Variants in LY75 observed in about 807,000 individuals in gnomAD.
LY75 encodes lymphocyte antigen 75.
LY75 carries 185 observed loss-of-function variants against 231.7 expected under a neutral mutation model. That is an observed-to-expected ratio of 0.80 (90% confidence interval 0.71 to 0.90). The LOEUF is 0.90. Ranked by LOEUF, LY75 falls within the 40% of genes least tolerant of loss-of-function variation. The pLI is 0.00. For missense variants in LY75, 1,947 were observed against 2,050.2 expected, an observed-to-expected ratio of 0.95 and a Z score of 0.97; for synonymous variants, 668 against 689.0, an observed-to-expected ratio of 0.97 and a Z score of 0.48.
intron 24 of LY75, among the ~76,000 whole-genome samples, chr2:159,842,024 T>C (rs925768191): frequency 2.0e-5 from 3 of 152,076 alleles, no homozygotes; most frequent in Admixed American, 6.6e-5. Flanking sequence ...TAAATTCTTT[T>C]ATAGTATTAA....
chr2:159,899,207 G>T, intron 1 of LY75, 148 bp from the exon 2 acceptor site: 1 of 1,429,368 alleles, frequency 7.0e-7, no homozygotes, highest in Non-Finnish European at 9.3e-7. Context: ...CAAAAGGTGG[G>T]ACAGTGGTGA....
intron 1 of LY75, among the ~76,000 whole-genome samples, chr2:159,900,305 T>G (rs1311655499): frequency 6.6e-6 from 1 of 152,258 alleles, no homozygotes; most frequent in East Asian, 1.9e-4. Flanking sequence ...GTTTGTGGAA[T>G]AAGATTCACA....
chr2:159,901,185 T>C (rs1156252856), intron 1 of LY75, among the ~76,000 whole-genome samples: 1 of 152,086 alleles, frequency 6.6e-6, no homozygotes, highest in East Asian at 1.9e-4. Flanking sequence ...CATTTTCTAC[T>C]TGATGGACAC....
Position 159,850,426 on chromosome 2 carries a change from T to G in LY75, c.2925A>C (p.Gln975His). The change falls in exon 22 of 35, where the codon CAA (glutamine) becomes CAC (histidine). Residue 975 changes from glutamine to histidine, a missense_variant. By Grantham distance (24) the Gln-to-His change is conservative. Coordinates refer to ENST00000263636, the MANE Select transcript of LY75 (RefSeq NM_002349.4). ...KIKPVSLTFS[Q>H]ASDTCHSYGG... ...CATAGGAGTGACAGGTATCGCTTGC[T>G]TGAGAAAATGTGAGAGACACGGGTT... The G allele has an allele frequency of 6.2e-7, 1 of 1,613,648 alleles. No individual in the cohort carries two copies. The highest frequency in any genetic ancestry group is 8.5e-7 in the Non-Finnish European group (1 of 1,179,710).
At position 159,838,207 on chromosome 2, in the gene LY75, A is replaced by G. The variant is rs962937815; in HGVS notation, c.3507+2522T>C. The stretch of plus-strand genomic sequence containing the variant: ...CCACTACTCTGTTTAAAATCTTTCA[A>G]TATCTTCTCATTGCTTTCAATGTAA... On this transcript the variant is annotated intron_variant, in intron 25 of 34. Coordinates refer to ENST00000263636, the MANE Select transcript of LY75 (RefSeq NM_002349.4). 8.5e-5 allele frequency among the ~76,000 whole-genome samples: 13 copies of G among 152,204 alleles called. 1 individual carries two copies. The highest frequency in any genetic ancestry group is 7.2e-4 in the Admixed American group (11 of 15,274).
intron 28 of LY75, among the ~76,000 whole-genome samples, chr2:159,825,909 C>A (rs1386874366): frequency 6.6e-6 from 1 of 152,052 alleles, no homozygotes; most frequent in African/African-American, 2.4e-5. Context: ...AATTCAACAC[C>A]CCTTCATGCT....
intron 25 of LY75, among the ~76,000 whole-genome samples, chr2:159,838,616 T>A (rs1164163712): frequency 6.6e-6 from 1 of 152,190 alleles, no homozygotes; most frequent in Non-Finnish European, 1.5e-5. Context: ...TGACTGAAAC[T>A]AGGAAATGTA....
intron 13 of LY75, among the ~76,000 whole-genome samples, chr2:159,871,469 A>G (rs1022021730): frequency 7.2e-5 from 11 of 152,040 alleles, no homozygotes; most frequent in Admixed American, 7.2e-4. Context: ...AAATTAAAAA[A>G]TTTAAAAAAT....
At chr2:159,870,204 C>A (rs1413751502) in intron 13 of LY75, among the ~76,000 whole-genome samples, 1 of 152,142 alleles carries the variant, frequency 6.6e-6, no homozygotes, top group East Asian at 1.9e-4. Context: ...GTGATCCCAG[C>A]ACCTTGGGAG....
At chr2:159,868,482 C>T (rs1684918086) in intron 13 of LY75, among the ~76,000 whole-genome samples, 1 of 152,110 alleles carries the variant, frequency 6.6e-6, no homozygotes, top group Admixed American at 6.6e-5. Context: ...TGATTGTTTG[C>T]TTCATTACTC....
chr2:159,895,279 T>C (rs1283819460), intron 2 of LY75, among the ~76,000 whole-genome samples: 6 of 152,242 alleles, frequency 3.9e-5, no homozygotes, highest in Admixed American at 6.5e-5. Flanking sequence ...TGCTGTGTCA[T>C]AGAAACAGTT....
At position 159,840,822 on chromosome 2, in the gene LY75, C is replaced by T. The variant is rs752513890; in HGVS notation, c.3414G>A (p.Leu1138=). The change falls in exon 25 of 35, where the codon CTG becomes CTA. Residue 1138 remains leucine, a synonymous_variant. Coordinates refer to ENST00000263636, the MANE Select transcript of LY75 (RefSeq NM_002349.4). The part of the protein sequence containing the change: ...KRECLKSNMQ[L]VSITDPYQQA... ...GCTGGTAAGGGTCCGTGATGCTCAC[C>T]AGCTGCATGTTACTTTTCAGACACT... 2 of 1,614,110 alleles carry T rather than the reference C, an allele frequency of 1.2e-6. No individual in the cohort carries two copies. The highest frequency in any genetic ancestry group is 2.2e-5 in the South Asian group (2 of 91,080).
intron 18 of LY75, among the ~76,000 whole-genome samples, chr2:159,854,075 TA>T (rs1684478878): frequency 6.6e-6 from 1 of 152,186 alleles, no homozygotes; most frequent in Admixed American, 6.5e-5. Context: ...AAGTTAACTA[TA>T]AAGTTGACTT....
intron 28 of LY75, among the ~76,000 whole-genome samples, chr2:159,828,326 A>G (rs1683542613): frequency 1.3e-5 from 2 of 152,002 alleles, no homozygotes; most frequent in African/African-American, 4.8e-5. Flanking sequence ...AAAAGACTCA[A>G]TTTAAAACAT....
chr2:159,823,632 CA>C (rs1034033321), intron 28 of LY75, among the ~76,000 whole-genome samples: 47 of 152,004 alleles, frequency 3.1e-4, no homozygotes, highest in Non-Finnish European at 3.4e-4. Flanking sequence ...GGAGCAACCC[CA>C]AAACACATAA....
chr2:159,850,285 G>T, intron 22 of LY75, 77 bp downstream of exon 22: 2 of 1,555,938 alleles, frequency 1.3e-6, no homozygotes, highest in Non-Finnish European at 1.7e-6. Context: ...ATTTTTGTAT[G>T]TTAATTCCCC....
At chr2:159,816,235 T>C (rs1683116951) in intron 30 of LY75, among the ~76,000 whole-genome samples, 1 of 152,206 alleles carries the variant, frequency 6.6e-6, no homozygotes, top group African/African-American at 2.4e-5. Flanking sequence ...AATAATATGA[T>C]TCAAATAGTG....
rs144501025 is a variant in LY75 at position 159,854,412 on chromosome 2, G to A, written c.2543C>T (p.Ala848Val). Residue 848 changes from alanine to valine, a missense_variant, in exon 18 of 35, where the codon GCA becomes GTA. Physicochemically the swap from Ala to Val is moderately conservative, Grantham distance 64 (BLOSUM62 0). Coordinates refer to ENST00000263636, the MANE Select transcript of LY75 (RefSeq NM_002349.4). The part of the protein sequence containing the change: ...LYCASNHSFL[A>V]TITSFVGLKA... ...TAGTCCCACAAAAGATGTTATAGTT[G>A]CAAGAAAGCTGTGATTGCTGGCACA... is the stretch of plus-strand genomic sequence containing the variant. 7.2e-5 allele frequency: 112 copies of A among 1,549,384 alleles called. No individual in the cohort carries two copies. In the African/African-American group the frequency reaches 1.4e-3, roughly 19 times the overall value.
At chr2:159,840,340 G>A (rs1683979574) in intron 25 of LY75, among the ~76,000 whole-genome samples, 1 of 152,142 alleles carries the variant, frequency 6.6e-6, no homozygotes, top group African/African-American at 2.4e-5. Flanking sequence ...GGGAGGCCAA[G>A]GTGGGCAGAG....
Sources: allele counts gnomAD v4.1 joint callset (sites outside exome capture counted in the v4.1 genomes callset), GRCh38; gene constraint gnomAD v4.1.1; transcripts MANE v1.5; gene names NCBI Gene and HGNC (gene_info 2026-07-23, HGNC 2026-07-21).